Variants in SHANK2 observed in about 807,000 individuals in gnomAD.
The protein encoded by SHANK2 is SH3 and multiple ankyrin repeat domains protein 2.
Under a neutral mutation model 133.7 loss-of-function variants are expected in SHANK2, and 43 were observed. The ratio of observed to expected loss-of-function variants is 0.32; its 90% CI spans 0.25 to 0.41. The LOEUF (loss-of-function observed/expected upper bound fraction) is 0.41. Among genes scored for constraint, SHANK2 ranks in the 10% least tolerant of loss-of-function variants. SHANK2 has a pLI of 1.00. For synonymous variants in SHANK2, 1,017 were observed against 952.8 expected, an observed-to-expected ratio of 1.07 and a Z score of -1.24; for missense variants, 1,994 against 2,235.8, an observed-to-expected ratio of 0.89 and a Z score of 2.18.
chr11:71,063,690 G>T (rs1272679846), intron 9 of SHANK2, among the ~76,000 whole-genome samples: 1 of 152,206 alleles, frequency 6.6e-6, no homozygotes, highest in Admixed American at 6.5e-5. Flanking sequence ...TTTCAGAGGT[G>T]TATCTTATCT....
intron 3 of SHANK2, among the ~76,000 whole-genome samples, chr11:71,128,858 C>T (rs1952238906): frequency 1.3e-5 from 2 of 152,192 alleles, no homozygotes; most frequent in African/African-American, 4.8e-5. Flanking sequence ...AATCTCAGCT[C>T]ACTGCAACCT....
At chr11:71,094,959 C>T (rs1420266652) in intron 6 of SHANK2, among the ~76,000 whole-genome samples, 1 of 152,222 alleles carries the variant, frequency 6.6e-6, no homozygotes, top group Non-Finnish European at 1.5e-5. Flanking sequence ...GGGCCACAGT[C>T]CAAGAGGCTC....
chr11:70,875,993 C>T (rs1376383832), intron 11 of SHANK2, among the ~76,000 whole-genome samples: 1 of 151,286 alleles, frequency 6.6e-6, no homozygotes, highest in Non-Finnish European at 1.5e-5. Context: ...CCCGTCTCTA[C>T]TAAAAATACA....
At chr11:70,582,037 G>A (rs1170113574) in intron 17 of SHANK2, among the ~76,000 whole-genome samples, 1 of 152,234 alleles carries the variant, frequency 6.6e-6, no homozygotes, top group African/African-American at 2.4e-5. Flanking sequence ...AATGGGAGGG[G>A]ACAGATCCCG....
chr11:70,799,653 G>C (rs1947999017), intron 13 of SHANK2, among the ~76,000 whole-genome samples: 1 of 152,058 alleles, frequency 6.6e-6, no homozygotes, highest in Non-Finnish European at 1.5e-5. Flanking sequence ...GTTGAAAGAA[G>C]CCAATTCCCC....
At chr11:71,122,269 G>A (rs1330861593) in intron 3 of SHANK2, among the ~76,000 whole-genome samples, 4 of 152,190 alleles carry the variant, frequency 2.6e-5, no homozygotes, top group Non-Finnish European at 5.9e-5. Flanking sequence ...ATGATAGACT[G>A]GATTAAGAAA....
At chr11:71,216,448 G>A (rs10751047) in intron 2 of SHANK2, among the ~76,000 whole-genome samples, 5 of 151,864 alleles carry the variant, frequency 3.3e-5, no homozygotes, top group Admixed American at 2.0e-4. Context: ...ATTTGTGGTC[G>A]CCAGGGCCGG....
chr11:71,073,218 G>A (rs1160498007), intron 9 of SHANK2, among the ~76,000 whole-genome samples: 4 of 134,826 alleles, frequency 3.0e-5, no homozygotes, highest in Non-Finnish European at 6.2e-5. Flanking sequence ...GAGTGCAGTG[G>A]CACTATCTCA....
chr11:70,475,466 G>A (rs527790339), intron 25 of SHANK2, among the ~76,000 whole-genome samples: 95 of 152,268 alleles, frequency 6.2e-4, no homozygotes, highest in African/African-American at 1.8e-3. Context: ...GTCTCTCTCC[G>A]TTTTTTTCTT....
intron 17 of SHANK2, among the ~76,000 whole-genome samples, chr11:70,559,149 G>A (rs1203783390): frequency 9.9e-5 from 15 of 151,986 alleles, no homozygotes; most frequent in Admixed American, 2.6e-4. Context: ...CTCCTGAGTC[G>A]CTGGGATTAC....
intron 14 of SHANK2, among the ~76,000 whole-genome samples, chr11:70,760,337 A>G (rs4980641): frequency 0.81 from 122,785 of 152,158 alleles, 50,162 homozygotes; most frequent in East Asian, 0.88. Flanking sequence ...TTCCCAGCTC[A>G]CAGGTTGTAA....
chr11:70,937,241 G>A (rs139729051), intron 10 of SHANK2, among the ~76,000 whole-genome samples: 62 of 152,324 alleles, frequency 4.1e-4, no homozygotes, highest in African/African-American at 1.4e-3. Context: ...AAGCTCAAAG[G>A]AGATGGAAGA....
rs368731451 is a variant in SHANK2, at chr11:71,162,908, T to C, written c.-12-15570A>G. Among the ~76,000 whole-genome samples the C allele has an allele frequency of 6.5e-3, 989 of 151,312 alleles. 8 individuals carry two copies. Among genetic ancestry groups the C allele is most frequent in the African/African-American group, 0.023 (947 of 41,202 alleles). ...TAACATGGTGAAACCCCGTCTCTAC[T>C]AAAAATACAAAAAAATTAGCCAGGT... On this transcript the variant is annotated intron_variant, in intron 2 of 25. Coordinates refer to ENST00000601538, the MANE Select transcript of SHANK2 (RefSeq NM_012309.5).
chr11:71,165,736 G>T (rs1471865680), intron 2 of SHANK2, among the ~76,000 whole-genome samples: 1 of 152,170 alleles, frequency 6.6e-6, no homozygotes, highest in East Asian at 1.9e-4. Flanking sequence ...GCTCAGCCAA[G>T]GTTGAGAACT....
chr11:70,742,590 C>A (rs532440139), intron 14 of SHANK2, among the ~76,000 whole-genome samples: 7 of 152,310 alleles, frequency 4.6e-5, no homozygotes, highest in East Asian at 3.9e-4. Flanking sequence ...CGCCACCCCC[C>A]ACCCGGCTCT....
chr11:71,113,501 G>T (rs1590925530), intron 4 of SHANK2, 137 bp from the exon 5 acceptor site: 1 of 745,230 alleles, frequency 1.3e-6, no homozygotes, highest in Non-Finnish European at 2.3e-6. Context: ...TTAAATAAAT[G>T]ACTGGTATTT....
At chr11:71,251,566 G>A (rs868966779) in intron 1 of SHANK2, among the ~76,000 whole-genome samples, 6 of 151,690 alleles carry the variant, frequency 4.0e-5, no homozygotes, top group Middle Eastern at 3.4e-3. Context: ...GGCCGCCGGG[G>A]AGGAGGGATG....
intron 10 of SHANK2, among the ~76,000 whole-genome samples, chr11:70,904,118 G>A (rs1037411728): frequency 2.0e-5 from 3 of 152,154 alleles, no homozygotes; most frequent in South Asian, 2.1e-4. Context: ...CTTGTTCCTC[G>A]CTTGGTGTTG....
chr11:71,159,119 T>C (rs1322913091), intron 2 of SHANK2, among the ~76,000 whole-genome samples: 1 of 152,240 alleles, frequency 6.6e-6, no homozygotes, highest in Non-Finnish European at 1.5e-5. Flanking sequence ...TGCAGCAATG[T>C]ACTCTCATCA....
Sources: gnomAD v4.1 joint callset for allele counts (sites outside exome capture counted in the v4.1 genomes callset) on GRCh38, gnomAD v4.1.1 for gene constraint, MANE v1.5 for transcripts, NCBI Gene and HGNC (gene_info 2026-07-23, HGNC 2026-07-21) for gene names.